KNDC1: variants seen among roughly 807,000 people sequenced by gnomAD.
KNDC1 encodes the protein kinase non-catalytic C-lobe domain-containing protein 1.
A neutral mutation model predicts 172.8 loss-of-function variants in KNDC1; 106 were observed. That is an observed-to-expected ratio of 0.61 (90% CI 0.52 to 0.72). The LOEUF is 0.72. Ranked by LOEUF, KNDC1 falls within the 30% of genes least tolerant of loss-of-function variation. KNDC1 has a pLI of 0.00. For synonymous variants in KNDC1, 1,083 were observed against 1,062.2 expected (o/e 1.02, Z -0.38); for missense variants, 2,325 against 2,394.5 (o/e 0.97, Z 0.61).
At position 133,212,435 on chromosome 10, in the gene KNDC1, G is replaced by C. The variant is rs1845387864; in HGVS notation, c.4237-281G>C. Among the ~76,000 whole-genome samples the C allele has an allele frequency of 2.0e-5, 3 of 152,222 alleles. No individual in the cohort carries two copies. In the South Asian group the frequency reaches 6.2e-4, roughly 31 times the overall value. On this transcript the variant is annotated intron_variant, in intron 23 of 29. Transcript: ENST00000304613. ...TCCTGCTGTGACTCATTGACCCACG[G>C]GCCAGAGACTAAGGCAGAAGCCAGT...
chr10:133,185,907 A>AGGGGTGGGAGGAGAGGGGC (rs1853891211), intron 5 of KNDC1, 67 bp from the exon 6 acceptor site: 1 of 603,228 alleles, frequency 1.7e-6, no homozygotes, highest in Non-Finnish European at 2.4e-6. Context: ...AGGAGAGGGG[A>AGGGGTGGGAGGAGAGGGGC]GGGGCGGGAG....
chr10:133,218,710 A>C (rs1845518360), intron 26 of KNDC1, 121 bp from the exon 27 acceptor site: 2 of 1,315,020 alleles, frequency 1.5e-6, no homozygotes, highest in African/African-American at 2.9e-5. Context: ...CTTCCTTTCC[A>C]CACACGTGAT....
At position 133,164,123 on chromosome 10, in the gene KNDC1, T is replaced by A. The variant is rs11101599; in HGVS notation, c.103-3258T>A. The A allele has an allele frequency of 8.8e-4, 85 of 96,246 alleles. 3 individuals carry two copies. In the South Asian group the frequency reaches 0.01, roughly 12 times the overall value. The allele number at this position is 96,246 out of a possible 1,614,324, so 6.0% of individuals were successfully genotyped here. A position where few individuals can be genotyped will look rare whatever the true frequency, so the allele number is the denominator to read the frequency against. ...TCCCGAATCCCTCCTCCCACCTGGG[T>A]TGGGGGTGGAGTTCGTGGCCACACA... On this transcript the variant is annotated intron_variant, in intron 1 of 29. Transcript: ENST00000304613.
chr10:133,178,066 G>A (rs534747538), intron 3 of KNDC1, among the ~76,000 whole-genome samples: 10 of 150,810 alleles, frequency 6.6e-5, no homozygotes, highest in South Asian at 6.4e-4. Flanking sequence ...TGTGTGTAGC[G>A]TGCATGTGTG....
intron 23 of KNDC1, 50 bp from the exon 24 acceptor site, chr10:133,212,666 C>G (rs2136023540): frequency 1.3e-6 from 2 of 1,544,636 alleles, no homozygotes; most frequent in East Asian, 4.5e-5. Context: ...GACCCCTGAC[C>G]CAGAGGGGAC....
At chr10:133,168,404 AC>A in intron 3 of KNDC1, 92 bp downstream of exon 3, 7 of 1,335,422 alleles carry the variant, frequency 5.2e-6, no homozygotes, top group Non-Finnish European at 7.5e-6. Flanking sequence ...CCTTGGGGCG[AC>A]CTCTGCAAGT....
At position 133,186,169 on chromosome 10, in the gene KNDC1, GCC is replaced by G. The variant is rs1196110839; in HGVS notation, c.822_823del (p.Ser274ArgfsTer36). The stretch of plus-strand genomic sequence containing the variant: ...CCGGTGAGAAATGGCGAGAGCCACA[GCC>G]GGGAGGGGCTGGCCGGCCTCGTCCT... On this transcript the variant is annotated frameshift_variant, in exon 6 of 30. Transcript: ENST00000304613. LOFTEE classifies it high-confidence loss of function. 1 of 1,579,516 alleles carries G rather than the reference GCC, an allele frequency of 6.3e-7. No individual in the cohort carries two copies. Among genetic ancestry groups the G allele is most frequent in the East Asian group, 2.3e-5 (1 of 44,174 alleles).
chr10:133,220,896 G>A (rs956292395), intron 29 of KNDC1, among the ~76,000 whole-genome samples: 5 of 152,070 alleles, frequency 3.3e-5, no homozygotes, highest in Admixed American at 2.0e-4. Context: ...GCACGCTCAG[G>A]TGGCACCTCT....
At position 133,198,351 on chromosome 10, in the gene KNDC1, A is replaced by T. The variant is rs557882049; in HGVS notation, c.1921A>T (p.Asn641Tyr). 42 of 1,585,376 alleles carry T rather than the reference A, an allele frequency of 2.6e-5. No homozygotes were observed. The African/African-American group carries it at 5.1e-4, about 19-fold the overall frequency. The change falls in exon 13 of 30, where the codon AAC becomes TAC. Residue 641 changes from asparagine to tyrosine, a missense_variant. Physicochemically the swap from Asn to Tyr is moderately radical, Grantham distance 143. Coordinates refer to ENST00000304613, the MANE Select transcript of KNDC1 (RefSeq NM_152643.8). ...PEPSPGFLPV[N>Y]SDTGLVAVPG... ...TGGCTCCCCAGGCTTCCTGCCGGTG[A>T]ACAGCGACACCGGGCTTGTGGCTGT...
At chr10:133,218,687 G>C in intron 26 of KNDC1, 144 bp from the exon 27 acceptor site, 1 of 1,067,774 alleles carries the variant, frequency 9.4e-7, no homozygotes, top group Non-Finnish European at 1.4e-6. Flanking sequence ...GCTCACCTGC[G>C]TCCACACAGC....
chr10:133,176,392 G>C (rs1266714029), intron 3 of KNDC1, among the ~76,000 whole-genome samples: 1 of 152,080 alleles, frequency 6.6e-6, no homozygotes, highest in Non-Finnish European at 1.5e-5. Context: ...CTGGCTTTCC[G>C]TGTGGTATGG....
intron 16 of KNDC1, among the ~76,000 whole-genome samples, chr10:133,201,006 C>CG (rs1444220118): frequency 1.3e-5 from 2 of 152,198 alleles, no homozygotes; most frequent in African/African-American, 2.4e-5. Context: ...GGCTTGGTGA[C>CG]GGGCCCAGTT....
intron 3 of KNDC1, among the ~76,000 whole-genome samples, chr10:133,175,585 AGATG>A (rs138113417): frequency 0.012 from 1,715 of 146,412 alleles, 18 homozygotes; most frequent in Non-Finnish European, 0.016. Flanking sequence ...ATGGATGGGT[AGATG>A]GATGGATGGA....
intron 9 of KNDC1, among the ~76,000 whole-genome samples, chr10:133,194,309 CAA>C (rs960771354): frequency 2.0e-5 from 3 of 152,046 alleles, no homozygotes; most frequent in Non-Finnish European, 2.9e-5. Flanking sequence ...CTCTATGTGT[CAA>C]AGAGAAAATT....
At position 133,224,320 on chromosome 10, in the gene KNDC1, CAG is replaced by C. The variant is rs1589781777; in HGVS notation, c.5019-334_5019-333del. Among the ~76,000 whole-genome samples the C allele has an allele frequency of 6.6e-6, 1 of 152,322 alleles. No individual in the cohort carries two copies. Among genetic ancestry groups the C allele is most frequent in the East Asian group, 1.9e-4 (1 of 5,174 alleles). ...TGAATGTGAACGCTCTGCACGGCAGCAGAGAGTCCCTTGCCTGCCTCGTCCTC... is the reference window on the plus strand; with the variant it reads ...TGAATGTGAACGCTCTGCACGGCAGCAGAGTCCCTTGCCTGCCTCGTCCTC... On this transcript the variant is annotated intron_variant, in intron 29 of 29. Coordinates refer to ENST00000304613, the MANE Select transcript of KNDC1 (RefSeq NM_152643.8). The surrounding 1 kb of genome is among the most constrained non-coding windows in gnomAD (Gnocchi z 5.4).
At chr10:133,168,438 C>CT in intron 3 of KNDC1, 126 bp downstream of exon 3, 3 of 937,648 alleles carry the variant, frequency 3.2e-6, no homozygotes, top group Admixed American at 3.9e-5. Context: ...GGAGCGGAGC[C>CT]GCTGCTGCCC....
At chr10:133,213,591 C>T (rs1564899156) in intron 24 of KNDC1, 54 bp from the exon 25 acceptor site, 8 of 1,506,486 alleles carry the variant, frequency 5.3e-6, no homozygotes, top group Non-Finnish European at 6.5e-6. Flanking sequence ...CTGCCTTGGA[C>T]ACAAGGCCCT....
At chr10:133,222,250 T>C (rs954425299) in intron 29 of KNDC1, among the ~76,000 whole-genome samples, 1 of 143,586 alleles carries the variant, frequency 7.0e-6, no homozygotes, top group Admixed American at 7.1e-5. Context: ...GCCACCGCAC[T>C]CCAGCCTGGG....
At chr10:133,162,448 A>G (rs1177966168) in intron 1 of KNDC1, among the ~76,000 whole-genome samples, 2 of 152,234 alleles carry the variant, frequency 1.3e-5, no homozygotes, top group Non-Finnish European at 1.5e-5. Flanking sequence ...TGCAGGCTTC[A>G]TAAGATGTAG....
Sources: gnomAD v4.1 joint callset for allele counts (sites outside exome capture counted in the v4.1 genomes callset) on GRCh38, gnomAD v4.1.1 for gene constraint, Gnocchi (gnomAD v3.1) non-coding constraint, MANE v1.5 for transcripts, NCBI Gene and HGNC (gene_info 2026-07-23, HGNC 2026-07-21) for gene names.